LARGE1: variants seen among roughly 807,000 people sequenced by gnomAD.
The protein encoded by LARGE1 is xylosyl- and glucuronyltransferase LARGE1.
A neutral mutation model predicts 87.6 loss-of-function variants in LARGE1; 43 were observed. That is an observed-to-expected ratio of 0.49 (90% CI 0.38 to 0.63). The LOEUF is 0.63. Among genes scored for constraint, LARGE1 ranks in the 30% least tolerant of loss-of-function variants. LARGE1 has a pLI of 0.00. For missense variants in LARGE1, 802 were observed against 1,000.2 expected (o/e 0.80, Z 2.67); for synonymous variants, 434 against 394.6 (o/e 1.10, Z -1.18).
intron 11 of LARGE1, among the ~76,000 whole-genome samples, chr22:33,310,553 G>C (rs549710741): frequency 1.3e-5 from 2 of 152,320 alleles, no homozygotes; most frequent in East Asian, 3.9e-4. Context: ...GCGTACGGGA[G>C]TGCGAAGGCC....
chr22:33,425,078 G>A (rs1301648039), intron 7 of LARGE1, among the ~76,000 whole-genome samples: 3 of 151,966 alleles, frequency 2.0e-5, no homozygotes, highest in Non-Finnish European at 2.9e-5. Context: ...CCTGATCAAC[G>A]TGGTGAAACC....
In LARGE1 at chr22:33,274,037, C is replaced by A. The variant is rs1416184382; in HGVS notation, c.*390G>T. ...TTCCTGGGACGAATAACCCCTAGAA[C>A]CCTGACTTCCCTTTCTCCCCAGTTA... On this transcript the variant is annotated 3_prime_UTR_variant, in exon 15 of 15. Transcript: ENST00000397394. 6 of 387,582 alleles carry A rather than the reference C, an allele frequency of 1.5e-5. No individual in the cohort carries two copies. In the East Asian group the frequency reaches 3.1e-4, roughly 20 times the overall value. The allele number at this position is 387,582 out of a possible 1,614,324, so 24.0% of individuals were successfully genotyped here.
chr22:33,887,913 A>G (rs1307981387), intron 1 of LARGE1, among the ~76,000 whole-genome samples: 1 of 152,250 alleles, frequency 6.6e-6, no homozygotes, highest in Non-Finnish European at 1.5e-5. Context: ...TGAACGTCAC[A>G]TACGTTTGTT....
At position 33,400,011 on chromosome 22, in the gene LARGE1, C is replaced by T. The variant is rs5994733; in HGVS notation, c.893-15707G>A. 8.8e-3 allele frequency among the ~76,000 whole-genome samples: 1,342 copies of T among 152,198 alleles called. 20 individuals carry two copies. Among genetic ancestry groups the T allele is most frequent in the African/African-American group, 0.031 (1,270 of 41,528 alleles). ...TTAGACAGTAAATGATAAGAAAAAC[C>T]CAAGGCAGAAATCACGCTCACTTGT... is the stretch of plus-strand genomic sequence containing the variant. On this transcript the variant is annotated intron_variant, in intron 7 of 14. Coordinates refer to ENST00000397394, the MANE Select transcript of LARGE1 (RefSeq NM_133642.5).
chr22:33,112,704 T>A, the LARGE1 span, among the ~76,000 whole-genome samples: 6 of 151,948 alleles, frequency 3.9e-5, no homozygotes, highest in Non-Finnish European at 8.8e-5. Flanking sequence ...CTTCTGAGAG[T>A]TAGGACACAA....
At chr22:33,731,081 C>T (rs1429175950) in intron 2 of LARGE1, among the ~76,000 whole-genome samples, 2 of 149,726 alleles carry the variant, frequency 1.3e-5, no homozygotes, top group African/African-American at 4.9e-5. Flanking sequence ...TGGCTCACTG[C>T]AAGCTCCGCC....
At chr22:33,511,327 C>T (rs1023475148) in intron 6 of LARGE1, among the ~76,000 whole-genome samples, 3 of 152,134 alleles carry the variant, frequency 2.0e-5, no homozygotes, top group African/African-American at 7.2e-5. Flanking sequence ...ACCCTTTAAA[C>T]TATTAAGAAT....
chr22:33,396,697 T>A (rs984636327), intron 7 of LARGE1, among the ~76,000 whole-genome samples: 1 of 152,162 alleles, frequency 6.6e-6, no homozygotes, highest in African/African-American at 2.4e-5. Flanking sequence ...GGAGGTGTTA[T>A]GGGCAAATAG....
intron 11 of LARGE1, among the ~76,000 whole-genome samples, chr22:33,313,351 A>C: frequency 6.7e-6 from 1 of 150,108 alleles, no homozygotes; most frequent in South Asian, 2.2e-4. Flanking sequence ...TCCTTTCTCC[A>C]CTTCCTTGGG....
intron 9 of LARGE1, among the ~76,000 whole-genome samples, chr22:33,374,823 T>A (rs1218786860): frequency 6.6e-6 from 1 of 152,196 alleles, no homozygotes; most frequent in African/African-American, 2.4e-5. Flanking sequence ...CATTATGTTG[T>A]GTGGCACAAA....
chr22:33,742,142 C>T (rs545991609), intron 2 of LARGE1, among the ~76,000 whole-genome samples: 4 of 152,164 alleles, frequency 2.6e-5, no homozygotes, highest in Admixed American at 6.5e-5. Flanking sequence ...ACGGTGAGCC[C>T]TGGAGTCCCC....
chr22:33,403,193 C>G (rs948571861), intron 7 of LARGE1, among the ~76,000 whole-genome samples: 2 of 152,170 alleles, frequency 1.3e-5, no homozygotes, highest in Non-Finnish European at 2.9e-5. Context: ...ACTCCATACC[C>G]ACAGCTTCCT....
At chr22:33,824,115 C>G (rs1019901329) in intron 1 of LARGE1, among the ~76,000 whole-genome samples, 2 of 152,168 alleles carry the variant, frequency 1.3e-5, no homozygotes, top group South Asian at 4.1e-4. Context: ...ATGCCACATG[C>G]CCGATTGAGT....
intron 7 of LARGE1, among the ~76,000 whole-genome samples, chr22:33,387,815 T>A (rs946961329): frequency 3.3e-5 from 5 of 152,214 alleles, no homozygotes; most frequent in Admixed American, 3.3e-4. Context: ...TTCAAAACAA[T>A]AGAAAAGCAC....
intron 4 of LARGE1, among the ~76,000 whole-genome samples, chr22:33,610,270 T>C (rs1211060892): frequency 6.6e-6 from 1 of 152,210 alleles, no homozygotes; most frequent in Non-Finnish European, 1.5e-5. Flanking sequence ...AGTCTGGAAC[T>C]TCTTATAGAC....
At chr22:33,685,444 T>G (rs969805885) in intron 2 of LARGE1, among the ~76,000 whole-genome samples, 2 of 152,186 alleles carry the variant, frequency 1.3e-5, no homozygotes, top group African/African-American at 2.4e-5. Context: ...GGGTTTTCTC[T>G]TTGGCATAAT....
At chr22:33,115,891 G>A in the LARGE1 span, among the ~76,000 whole-genome samples, 1 of 150,412 alleles carries the variant, frequency 6.6e-6, no homozygotes, top group Non-Finnish European at 1.5e-5. Context: ...CAGCATGAAA[G>A]TGACCATCTG....
chr22:33,320,113 C>T (rs1345523851), intron 10 of LARGE1, among the ~76,000 whole-genome samples: 1 of 152,202 alleles, frequency 6.6e-6, no homozygotes, highest in Non-Finnish European at 1.5e-5. Flanking sequence ...CATCTAAGAT[C>T]TATGACCCCA....
intron 7 of LARGE1, among the ~76,000 whole-genome samples, chr22:33,399,680 C>A (rs1306189941): frequency 6.6e-6 from 1 of 152,152 alleles, no homozygotes; most frequent in Non-Finnish European, 1.5e-5. Flanking sequence ...TCCTGAGTAG[C>A]TGGGACTACA....
Sources: gnomAD v4.1 joint callset for allele counts (sites outside exome capture counted in the v4.1 genomes callset) on GRCh38, gnomAD v4.1.1 for gene constraint, MANE v1.5 for transcripts, NCBI Gene and HGNC (gene_info 2026-07-23, HGNC 2026-07-21) for gene names.